WDPCP: variants seen among roughly 807,000 people sequenced by gnomAD.
WDPCP encodes WD repeat-containing and planar cell polarity effector protein fritz homolog.
Under a neutral mutation model 93.1 loss-of-function variants are expected in WDPCP, and 71 were observed. The ratio of observed to expected loss-of-function variants is 0.76; its 90% CI spans 0.63 to 0.93. WDPCP has a LOEUF of 0.93. Among genes scored for constraint, WDPCP ranks in the 40% least tolerant of loss-of-function variants. The pLI is 0.00. For missense variants in WDPCP, 844 were observed against 887.4 expected, an observed-to-expected ratio of 0.95 and a Z score of 0.62; for synonymous variants, 315 against 315.0, an observed-to-expected ratio of 1.00 and a Z score of 0.00.
chr2:63,136,851 G>T (rs891796480), intron 17 of WDPCP, among the ~76,000 whole-genome samples: 2 of 152,086 alleles, frequency 1.3e-5, no homozygotes, highest in African/African-American at 4.8e-5. Flanking sequence ...TAAGGATATG[G>T]CTTCCAGCTC....
intron 3 of WDPCP, chr2:63,604,852 C>T: frequency 6.2e-7 from 1 of 1,614,112 alleles, no homozygotes; most frequent in Non-Finnish European, 8.5e-7. Flanking sequence ...TGACAGCTGG[C>T]TCAAGGGAGA....
At chr2:63,126,186 G>C (rs1227160014) in intron 17 of WDPCP, among the ~76,000 whole-genome samples, 1 of 151,990 alleles carries the variant, frequency 6.6e-6, no homozygotes, top group Non-Finnish European at 1.5e-5. Context: ...CGCCTGCCTT[G>C]ACCTCCCAAA....
intron 2 of WDPCP, among the ~76,000 whole-genome samples, chr2:63,678,828 G>T (rs1710455383): frequency 6.6e-6 from 1 of 152,204 alleles, no homozygotes; most frequent in Non-Finnish European, 1.5e-5. Context: ...GGATGTGCCT[G>T]ATGTAGAGCA....
chr2:63,653,909 CAAA>C (rs34250036), intron 2 of WDPCP, among the ~76,000 whole-genome samples: 1 of 133,566 alleles, frequency 7.5e-6, no homozygotes. Context: ...GACTCCATCT[CAAA>C]AAAAAAAAAA....
At chr2:63,737,698 G>A (rs1287692847) in intron 2 of WDPCP, among the ~76,000 whole-genome samples, 1 of 152,064 alleles carries the variant, frequency 6.6e-6, no homozygotes, top group East Asian at 1.9e-4. Flanking sequence ...GAATACTGGG[G>A]AAGATAAAAC....
At chr2:63,836,798 A>G in the WDPCP span, among the ~76,000 whole-genome samples, 1 of 152,242 alleles carries the variant, frequency 6.6e-6, no homozygotes, top group Non-Finnish European at 1.5e-5. Context: ...AACAGAAAAC[A>G]AAATAGTAAG....
At chr2:63,832,737 C>T (rs1432403834), upstream of WDPCP, among the ~76,000 whole-genome samples, 2 of 151,972 alleles carry the variant, frequency 1.3e-5, no homozygotes, top group African/African-American at 4.8e-5. Flanking sequence ...CTTTTGAGTG[C>T]CTATTATGTG....
intron 2 of WDPCP, among the ~76,000 whole-genome samples, chr2:63,800,983 G>C (rs1670687028): frequency 6.6e-6 from 1 of 152,210 alleles, no homozygotes; most frequent in East Asian, 1.9e-4. Flanking sequence ...GAGTCCGGCA[G>C]GTCAAGGATG....
chr2:63,781,671 G>T (rs1026276066), intron 2 of WDPCP, among the ~76,000 whole-genome samples: 1 of 152,170 alleles, frequency 6.6e-6, no homozygotes, highest in African/African-American at 2.4e-5. Context: ...GCAACCAACA[G>T]AAGCAGGTAT....
At chr2:63,139,291 C>G (rs1231075956) in intron 17 of WDPCP, among the ~76,000 whole-genome samples, 1 of 152,110 alleles carries the variant, frequency 6.6e-6, no homozygotes. Context: ...AATGCATGTA[C>G]AAGTATCTTT....
chr2:63,304,506 G>A (rs961688162), intron 13 of WDPCP, among the ~76,000 whole-genome samples: 5 of 152,222 alleles, frequency 3.3e-5, no homozygotes, highest in African/African-American at 1.2e-4. Context: ...CCCTAGCCAA[G>A]GGAAGCTGTG....
At chr2:63,293,623 G>A (rs1684611688) in intron 13 of WDPCP, among the ~76,000 whole-genome samples, 1 of 152,050 alleles carries the variant, frequency 6.6e-6, no homozygotes, top group East Asian at 1.9e-4. Context: ...AGACTTAAAG[G>A]AAGATGTGGG....
chr2:63,823,065 T>G (rs1467965147), intron 1 of WDPCP, among the ~76,000 whole-genome samples: 1 of 151,522 alleles, frequency 6.6e-6, no homozygotes, highest in African/African-American at 2.4e-5. Flanking sequence ...TTGAACCAAA[T>G]CCCAAATCTC....
intron 1 of WDPCP, among the ~76,000 whole-genome samples, chr2:63,576,404 A>G (rs1393595949): frequency 1.3e-5 from 2 of 152,224 alleles, no homozygotes; most frequent in East Asian, 3.8e-4. Context: ...TCCATTTATT[A>G]TAAAGGTTAC....
intron 10 of WDPCP, among the ~76,000 whole-genome samples, chr2:63,397,405 T>C (rs992446309): frequency 6.6e-6 from 1 of 152,082 alleles, no homozygotes; most frequent in Non-Finnish European, 1.5e-5. Flanking sequence ...AAGGCACACA[T>C]GTACATCCAA....
chr2:63,276,518 G>A (rs1683101205), intron 13 of WDPCP, among the ~76,000 whole-genome samples: 1 of 151,972 alleles, frequency 6.6e-6, no homozygotes, highest in South Asian at 2.1e-4. Flanking sequence ...TGAAATAGCT[G>A]GCATAAATAA....
intron 14 of WDPCP, 34 bp from the exon 15 acceptor site, chr2:63,174,866 T>C (rs1273834381): frequency 2.5e-6 from 4 of 1,603,228 alleles, no homozygotes; most frequent in Admixed American, 1.7e-5. Context: ...AGTGAAATAC[T>C]AAGTACAATT....
In WDPCP at chr2:63,423,808, C is replaced by T. The variant is rs1696046987; in HGVS notation, c.825+9937G>A. Among the ~76,000 whole-genome samples the T allele has an allele frequency of 2.0e-5, 3 of 152,104 alleles. No homozygotes were observed. In the South Asian group the frequency reaches 6.2e-4, roughly 31 times the overall value. ...ACTAGTTCTAGGAGGATGGTAATAA[C>T]TTTCCAAAAAGAAATATTAAAAGTA... On this transcript the variant is annotated intron_variant, in intron 9 of 17. Coordinates refer to ENST00000272321, the MANE Select transcript of WDPCP (RefSeq NM_015910.7).
chr2:63,185,095 C>T (rs184677589), intron 14 of WDPCP, among the ~76,000 whole-genome samples: 28 of 152,206 alleles, frequency 1.8e-4, no homozygotes, highest in African/African-American at 5.3e-4. Flanking sequence ...TGAAGTTCTC[C>T]GTGATAAATT....
Sources: allele counts gnomAD v4.1 joint callset (sites outside exome capture counted in the v4.1 genomes callset), GRCh38; gene constraint gnomAD v4.1.1; transcripts MANE v1.5; gene names NCBI Gene and HGNC (gene_info 2026-07-23, HGNC 2026-07-21).